Variants in VWA8 observed in about 807,000 individuals in gnomAD.
VWA8 encodes the protein von Willebrand factor A domain containing 8.
In VWA8, 221 loss-of-function variants were observed where a neutral mutation model predicts 241.5. The ratio of observed to expected loss-of-function variants is 0.91; its 90% confidence interval spans 0.82 to 1.02. The LOEUF is 1.02. Among genes scored for constraint, VWA8 ranks in the 50% least tolerant of loss-of-function variants. The pLI is 0.00. For missense variants in VWA8, 2,322 were observed against 2,328.7 expected, an observed-to-expected ratio of 1.00 and a Z score of 0.06; for synonymous variants, 852 against 827.1, an observed-to-expected ratio of 1.03 and a Z score of -0.52.
intron 19 of VWA8, among the ~76,000 whole-genome samples, chr13:41,780,844 C>T (rs73183379): frequency 0.014 from 2,125 of 152,230 alleles, 14 homozygotes; most frequent in East Asian, 0.02. Flanking sequence ...ACCATGGGCA[C>T]GATTTAGAAT....
intron 1 of VWA8, among the ~76,000 whole-genome samples, chr13:41,957,873 A>G (rs1038558793): frequency 6.6e-6 from 1 of 152,204 alleles, no homozygotes; most frequent in African/African-American, 2.4e-5. Context: ...ATGTCATGAT[A>G]TATTTATACA....
In VWA8 at chr13:41,575,837, T is replaced by C. The variant is rs1055714247; in HGVS notation, c.5273A>G (p.Tyr1758Cys). 4 of 1,607,578 alleles carry C rather than the reference T, an allele frequency of 2.5e-6. No individual in the cohort carries two copies. The highest frequency in any genetic ancestry group is 2.7e-5 in the African/African-American group (2 of 74,842). ...ATCTCCAGAGTGTCCAACGATGTCATACTACATGCAAGAGAACCAGAAAGT... is the reference window on the plus strand; with the variant it reads ...ATCTCCAGAGTGTCCAACGATGTCACACTACATGCAAGAGAACCAGAAAGT... ...AFENYEEKFQ[Y>C]DIVGHSGDGY... Residue 1758 changes from tyrosine (Y) to cysteine (C), a missense_variant and splice_region_variant, in exon 43 of 45, where the codon TAT becomes TGT. By Grantham distance (194) the Tyr-to-Cys change is radical (BLOSUM62 -2). Transcript: ENST00000379310.
chr13:41,703,865 C>T (rs757800011), intron 26 of VWA8, among the ~76,000 whole-genome samples: 40 of 151,122 alleles, frequency 2.6e-4, no homozygotes, highest in Non-Finnish European at 4.6e-4. Context: ...ACAACCTCTG[C>T]CTCCTGGGTT....
chr13:41,726,018 C>A (rs1420439900), intron 24 of VWA8, among the ~76,000 whole-genome samples: 1 of 152,170 alleles, frequency 6.6e-6, no homozygotes, highest in Non-Finnish European at 1.5e-5. Flanking sequence ...TATGCATATA[C>A]AAGCATATGC....
rs772522331 is a variant in VWA8, at chr13:41,784,729, T to TATACAC, written c.2171-829_2171-828insGTGTAT. Among the ~76,000 whole-genome samples the TATACAC allele has an allele frequency of 3.9e-3, 236 of 60,086 alleles. 10 individuals carry two copies. The highest frequency in any genetic ancestry group is 7.9e-3 in the Middle Eastern group (1 of 126). The allele number at this position is 60,086 out of a possible 152,430, so 39.4% of individuals were successfully genotyped here. On this transcript the variant is annotated intron_variant, in intron 18 of 44. Coordinates refer to ENST00000379310, the MANE Select transcript of VWA8 (RefSeq NM_015058.2). ...ATATATATATATATATATATATATA[T>TATACAC]ACACACACATATATATATATATATA...
At chr13:41,729,224 G>GA (rs750422472) in intron 23 of VWA8, among the ~76,000 whole-genome samples, 58 of 149,644 alleles carry the variant, frequency 3.9e-4, no homozygotes, top group Non-Finnish European at 4.6e-4. Flanking sequence ...TGAGCAAATT[G>GA]AAAAAAAAAT....
chr13:41,863,472 C>CTA (rs1873142897), intron 12 of VWA8, among the ~76,000 whole-genome samples: 5 of 136,556 alleles, frequency 3.7e-5, no homozygotes, highest in African/African-American at 7.9e-5. Flanking sequence ...CACACACACA[C>CTA]TATATATATT....
intron 37 of VWA8, among the ~76,000 whole-genome samples, chr13:41,663,427 A>C (rs1008924293): frequency 1.3e-5 from 2 of 151,410 alleles, no homozygotes; most frequent in Non-Finnish European, 2.9e-5. Flanking sequence ...TAATAAGTCA[A>C]ATAGTACTAC....
chr13:41,883,326 G>A (rs1874352929), intron 9 of VWA8, 61 bp downstream of exon 9: 1 of 1,378,556 alleles, frequency 7.3e-7, no homozygotes. Flanking sequence ...GGGGAAGATG[G>A]GAAAAGGCAA....
intron 17 of VWA8, among the ~76,000 whole-genome samples, chr13:41,809,179 A>G (rs756203789): frequency 9.2e-5 from 14 of 152,254 alleles, no homozygotes; most frequent in Non-Finnish European, 1.6e-4. Context: ...AAATGTCCAT[A>G]CTACCACAAA....
chr13:41,931,279 TAAAAA>T lies in VWA8; in HGVS notation c.241+18652_241+18656del, dbSNP rs67470859. Among the ~76,000 whole-genome samples the T allele has an allele frequency of 2.0e-3, 184 of 90,330 alleles. 4 individuals carry two copies. The East Asian group carries it at 0.042, about 21-fold the overall frequency. 59.3% of individuals were successfully genotyped at this position (90,330 alleles called of 152,430 possible). ...AAGAGAAATAAACCAGACCCAGGGT[TAAAAA>T]AAAAAAAAAAAAAAAAAAAACCCCT... On this transcript the variant is annotated intron_variant, in intron 2 of 44. Coordinates refer to ENST00000379310, the MANE Select transcript of VWA8 (RefSeq NM_015058.2).
At chr13:41,726,153 A>C (rs963284419) in intron 24 of VWA8, among the ~76,000 whole-genome samples, 1 of 152,028 alleles carries the variant, frequency 6.6e-6, no homozygotes, top group African/African-American at 2.4e-5. Context: ...AGCATCAGTA[A>C]ACTTATTCTC....
At chr13:41,887,871 C>A (rs920504015) in intron 5 of VWA8, among the ~76,000 whole-genome samples, 2 of 152,140 alleles carry the variant, frequency 1.3e-5, no homozygotes, top group African/African-American at 4.8e-5. Context: ...TTAACTTTCA[C>A]CAGAATCCAA....
At chr13:41,880,376 A>C (rs746421007) in intron 9 of VWA8, among the ~76,000 whole-genome samples, 1 of 151,622 alleles carries the variant, frequency 6.6e-6, no homozygotes, top group Non-Finnish European at 1.5e-5. Context: ...ACCCCTAAAC[A>C]CTCCAGTTGG....
intron 44 of VWA8, among the ~76,000 whole-genome samples, chr13:41,569,570 A>G (rs2044285993): frequency 6.6e-6 from 1 of 152,116 alleles, no homozygotes; most frequent in African/African-American, 2.4e-5. Context: ...ATATTAAAAC[A>G]TTTCCAGTCA....
At chr13:41,569,897 T>TATG in intron 44 of VWA8, among the ~76,000 whole-genome samples, 1 of 152,254 alleles carries the variant, frequency 6.6e-6, no homozygotes, top group South Asian at 2.1e-4. Flanking sequence ...TATATTATCT[T>TATG]ATGTTGTCGC....
intron 4 of VWA8, among the ~76,000 whole-genome samples, chr13:41,901,769 G>A (rs1187641213): frequency 6.7e-6 from 1 of 148,494 alleles, no homozygotes; most frequent in Non-Finnish European, 1.5e-5. Flanking sequence ...GGGAGGCTGA[G>A]GCACGAGAAT....
chr13:41,746,023 G>C (rs1324652109), intron 21 of VWA8, among the ~76,000 whole-genome samples: 1 of 152,154 alleles, frequency 6.6e-6, no homozygotes, highest in Non-Finnish European at 1.5e-5. Flanking sequence ...ACTTGAGGAA[G>C]AGGAGACCAG....
chr13:41,802,601 G>A (rs1870010439), intron 17 of VWA8, among the ~76,000 whole-genome samples: 1 of 152,212 alleles, frequency 6.6e-6, no homozygotes, highest in African/African-American at 2.4e-5. Context: ...TGAAGGAAAG[G>A]AGAGGGGAGA....
Sources: gnomAD v4.1 joint callset for allele counts (sites outside exome capture counted in the v4.1 genomes callset) on GRCh38, gnomAD v4.1.1 for gene constraint, MANE v1.5 for transcripts, NCBI Gene and HGNC (gene_info 2026-07-23, HGNC 2026-07-21) for gene names.